Variants in IMMP2L observed in about 807,000 individuals in gnomAD.
IMMP2L encodes the protein mitochondrial inner membrane protease subunit 2.
A neutral mutation model predicts 19.3 loss-of-function variants in IMMP2L; 18 were observed. The observed-to-expected ratio is 0.93, with a 90% CI of 0.64 to 1.38. IMMP2L has a LOEUF of 1.38. Among genes scored for constraint, IMMP2L ranks in the 40% most tolerant of loss-of-function variants. The pLI, the probability that IMMP2L is intolerant of heterozygous loss-of-function variation, is 0.00. For missense variants in IMMP2L, 233 were observed against 218.2 expected (o/e 1.07, Z -0.43); for synonymous variants, 76 against 73.0 (o/e 1.04, Z -0.21).
intron 3 of IMMP2L, among the ~76,000 whole-genome samples, chr7:111,220,874 T>TC (rs1812439995): frequency 6.6e-6 from 1 of 151,964 alleles, no homozygotes; most frequent in African/African-American, 2.4e-5. Flanking sequence ...GTGCTACAGT[T>TC]CAACGGTTAG....
At chr7:110,702,005 C>G (rs948673878) in intron 5 of IMMP2L, among the ~76,000 whole-genome samples, 29 of 152,068 alleles carry the variant, frequency 1.9e-4, no homozygotes, top group African/African-American at 7.0e-4. Context: ...GACATGCTCA[C>G]TGCAGCCTCG....
intron 5 of IMMP2L, among the ~76,000 whole-genome samples, chr7:110,814,450 T>C (rs1802301245): frequency 6.6e-6 from 1 of 150,444 alleles, no homozygotes; most frequent in Non-Finnish European, 1.5e-5. Flanking sequence ...AACTATATAG[T>C]AAAAAAGCAT....
chr7:111,487,214 A>G (rs954539430), intron 3 of IMMP2L, 24 bp downstream of exon 3: 5 of 1,035,362 alleles, frequency 4.8e-6, no homozygotes, highest in Non-Finnish European at 7.6e-6. Flanking sequence ...ATATACAAAT[A>G]TAGTATGCTT....
At chr7:111,351,605 C>T in intron 3 of IMMP2L, among the ~76,000 whole-genome samples, 1 of 152,148 alleles carries the variant, frequency 6.6e-6, no homozygotes, top group East Asian at 1.9e-4. Flanking sequence ...CTGATAAAAC[C>T]TATTCCTTTC....
chr7:110,867,046 A>G (rs1383839488), intron 5 of IMMP2L, among the ~76,000 whole-genome samples: 1 of 151,988 alleles, frequency 6.6e-6, no homozygotes, highest in South Asian at 2.1e-4. Flanking sequence ...TCACTCAATA[A>G]CTTATCCATA....
intron 3 of IMMP2L, among the ~76,000 whole-genome samples, chr7:111,485,117 A>C (rs868591761): frequency 6.6e-6 from 1 of 152,170 alleles, no homozygotes; most frequent in African/African-American, 2.4e-5. Context: ...AATGCTAAAG[A>C]AGAATTTAGC....
intron 4 of IMMP2L, among the ~76,000 whole-genome samples, chr7:110,942,432 T>C (rs1816828822): frequency 6.6e-6 from 1 of 151,900 alleles, no homozygotes; most frequent in Non-Finnish European, 1.5e-5. Context: ...ACGAACTTGG[T>C]CTCCAGTCCC....
intron 5 of IMMP2L, among the ~76,000 whole-genome samples, chr7:110,688,088 A>G (rs1193800426): frequency 6.6e-6 from 1 of 152,036 alleles, no homozygotes; most frequent in African/African-American, 2.4e-5. Flanking sequence ...GTGAAAGAAC[A>G]CCGTGGTACC....
chr7:111,005,894 G>C (rs1824233562), intron 3 of IMMP2L, among the ~76,000 whole-genome samples: 2 of 152,090 alleles, frequency 1.3e-5, no homozygotes, highest in Non-Finnish European at 2.9e-5. Context: ...CATGGAAACA[G>C]AATTAGCGGC....
rs531705780 is a variant in IMMP2L at position 110,693,774 on chromosome 7, C to T, written c.409-30053G>A. ...GAGTTTGATGTAGGGAAGAACCTCA[C>T]ACAAAGAGAAAGAAAGAATTTCAAA... On this transcript the variant is annotated intron_variant, in intron 5 of 5. Coordinates refer to ENST00000405709, the MANE Select transcript of IMMP2L (RefSeq NM_032549.4). Among the ~76,000 whole-genome samples, 8 of 152,280 alleles carry T rather than the reference C, an allele frequency of 5.3e-5. No homozygotes were observed. The South Asian group carries it at 8.3e-4, about 16-fold the overall frequency.
intron 3 of IMMP2L, among the ~76,000 whole-genome samples, chr7:111,169,343 G>T (rs758398591): frequency 6.6e-6 from 1 of 151,760 alleles, no homozygotes; most frequent in African/African-American, 2.4e-5. Context: ...ACTTCAGGAC[G>T]TTAATCCAAA....
chr7:111,039,388 C>T (rs1791663470), intron 3 of IMMP2L, among the ~76,000 whole-genome samples: 1 of 152,112 alleles, frequency 6.6e-6, no homozygotes, highest in African/African-American at 2.4e-5. Context: ...TGTTTCTAAA[C>T]ATAAGCAAAT....
At chr7:111,464,841 T>G (rs1276727024) in intron 3 of IMMP2L, among the ~76,000 whole-genome samples, 1 of 152,112 alleles carries the variant, frequency 6.6e-6, no homozygotes, top group African/African-American at 2.4e-5. Flanking sequence ...CAGGCTGGAG[T>G]GCAGTGGTGC....
At chr7:111,076,382 T>C (rs765478340) in intron 3 of IMMP2L, among the ~76,000 whole-genome samples, 7 of 152,198 alleles carry the variant, frequency 4.6e-5, no homozygotes, top group Non-Finnish European at 8.8e-5. Context: ...TGATCTATGG[T>C]TGGTAACATT....
At chr7:110,799,644 T>C (rs1315345003) in intron 5 of IMMP2L, among the ~76,000 whole-genome samples, 1 of 152,028 alleles carries the variant, frequency 6.6e-6, no homozygotes, top group Non-Finnish European at 1.5e-5. Context: ...GTATATAATT[T>C]CTGGAAGAAA....
At chr7:111,061,554 C>G (rs1414557937) in intron 3 of IMMP2L, among the ~76,000 whole-genome samples, 1 of 152,148 alleles carries the variant, frequency 6.6e-6, no homozygotes, top group Non-Finnish European at 1.5e-5. Context: ...TCACATTCCT[C>G]ATCTGCACCT....
chr7:111,210,818 G>C (rs1811229654), intron 3 of IMMP2L, among the ~76,000 whole-genome samples: 1 of 151,972 alleles, frequency 6.6e-6, no homozygotes, highest in African/African-American at 2.4e-5. Context: ...GTGAGAACTG[G>C]AACAAAATGA....
chr7:110,962,937 C>T, intron 4 of IMMP2L: 1 of 1,414,272 alleles, frequency 7.1e-7, no homozygotes, highest in Non-Finnish European at 9.2e-7. Flanking sequence ...TGAATGTCAA[C>T]AATTGTTCTT....
Position 110,865,117 on chromosome 7 carries a change from CT to C in IMMP2L, c.408+21475del, listed in dbSNP as rs562143057. Among the ~76,000 whole-genome samples the C allele has an allele frequency of 7.9e-5, 12 of 152,022 alleles. No individual in the cohort carries two copies. The South Asian group carries it at 2.5e-3, about 32-fold the overall frequency. On this transcript the variant is annotated intron_variant, in intron 5 of 5. Transcript: ENST00000405709. ...TAAAATTTGTATATTTAAAGATAAA[CT>C]TTACCTATTTTCTGTATTATTTGTA... is the stretch of plus-strand genomic sequence containing the variant.
Sources: gnomAD v4.1 joint callset for allele counts (sites outside exome capture counted in the v4.1 genomes callset) on GRCh38, gnomAD v4.1.1 for gene constraint, MANE v1.5 for transcripts, NCBI Gene and HGNC (gene_info 2026-07-23, HGNC 2026-07-21) for gene names.